Variants in GREB1L observed in about 807,000 individuals in gnomAD.
GREB1L encodes the protein GREB1 like retinoic acid receptor coactivator.
A neutral mutation model predicts 200.8 loss-of-function variants in GREB1L; 17 were observed. The ratio of observed to expected loss-of-function variants is 0.08; its 90% confidence interval spans 0.06 to 0.13. The LOEUF (loss-of-function observed/expected upper bound fraction) is 0.13. Ranked by LOEUF, GREB1L falls within the 10% of genes least tolerant of loss-of-function variation. GREB1L has a pLI of 1.00. For missense variants in GREB1L, 1,657 were observed against 2,367.7 expected (o/e 0.70, Z 6.23); for synonymous variants, 789 against 893.0 (o/e 0.88, Z 2.08).
At chr18:21,387,786 A>G (rs78447455) in intron 4 of GREB1L, among the ~76,000 whole-genome samples, 2,267 of 152,298 alleles carry the variant, frequency 0.015, 57 homozygotes, top group African/African-American at 0.051. Context: ...CACACTGGAT[A>G]TTGGGATCCT....
At chr18:21,446,841 A>G (rs1254239900) in intron 11 of GREB1L, among the ~76,000 whole-genome samples, 1 of 152,236 alleles carries the variant, frequency 6.6e-6, no homozygotes, top group East Asian at 1.9e-4. Flanking sequence ...ATTCTTCAGA[A>G]GGAACCATAC....
intron 18 of GREB1L, among the ~76,000 whole-genome samples, chr18:21,489,442 T>C (rs768715112): frequency 2.2e-4 from 34 of 152,236 alleles, no homozygotes; most frequent in Non-Finnish European, 4.1e-4. Context: ...TTTTTATGTC[T>C]AATACTCGAC....
chr18:21,440,781 C>A (rs1343695922), intron 9 of GREB1L, among the ~76,000 whole-genome samples: 6 of 152,156 alleles, frequency 3.9e-5, no homozygotes, highest in African/African-American at 1.4e-4. Flanking sequence ...ACCTGAAAAA[C>A]CAAAACCAAC....
At chr18:21,308,148 A>G (rs1365334609) in intron 1 of GREB1L, among the ~76,000 whole-genome samples, 3 of 152,196 alleles carry the variant, frequency 2.0e-5, no homozygotes, top group Admixed American at 6.5e-5. Context: ...TACTATATAC[A>G]TATCACCTTA....
intron 30 of GREB1L, among the ~76,000 whole-genome samples, chr18:21,517,357 C>G (rs1479943677): frequency 2.0e-5 from 3 of 152,104 alleles, no homozygotes; most frequent in Non-Finnish European, 4.4e-5. Flanking sequence ...GCAAACTTTA[C>G]ATTTTTACCT....
chr18:21,343,670 G>C (rs985056563), intron 1 of GREB1L, among the ~76,000 whole-genome samples: 50 of 152,166 alleles, frequency 3.3e-4, no homozygotes, highest in African/African-American at 1.2e-3. Context: ...CGCATACCAG[G>C]GTGGACATGT....
chr18:21,252,728 C>T (rs999600791), intron 1 of GREB1L, among the ~76,000 whole-genome samples: 2 of 147,416 alleles, frequency 1.4e-5, no homozygotes, highest in Non-Finnish European at 3.0e-5. Context: ...ATTAGCTGGG[C>T]GTCATGGCGG....
chr18:21,472,277 G>A (rs1168421984), intron 15 of GREB1L, among the ~76,000 whole-genome samples: 3 of 152,164 alleles, frequency 2.0e-5, no homozygotes, highest in Non-Finnish European at 4.4e-5. Context: ...TCATTTAAAG[G>A]AAGATTTCTT....
chr18:21,271,252 T>G (rs1434586617), intron 1 of GREB1L, among the ~76,000 whole-genome samples: 1 of 152,180 alleles, frequency 6.6e-6, no homozygotes, highest in Non-Finnish European at 1.5e-5. Context: ...TAAATAAAAA[T>G]ATCTTTGGAT....
chr18:21,355,915 A>G (rs2039495729), intron 1 of GREB1L, among the ~76,000 whole-genome samples: 1 of 151,010 alleles, frequency 6.6e-6, no homozygotes, highest in Non-Finnish European at 1.5e-5. Context: ...TTCTACTGAG[A>G]TTTAATTAGA....
intron 27 of GREB1L, among the ~76,000 whole-genome samples, chr18:21,509,061 G>A (rs1466306555): frequency 3.3e-5 from 5 of 152,178 alleles, no homozygotes; most frequent in Non-Finnish European, 5.9e-5. Context: ...TGGAAGCATC[G>A]TTACTGCCTA....
In GREB1L at chr18:21,307,732, G is replaced by A. The variant is rs183023607; in HGVS notation, c.-119-58295G>A. ...CCCTCTGACTTCTGCCAGTAGCAAA[G>A]CCCCAGCAGGAGACTCGGGGGCGGG... is the stretch of plus-strand genomic sequence containing the variant. On this transcript the variant is annotated intron_variant, in intron 1 of 32. Transcript: ENST00000424526. 2.6e-5 allele frequency among the ~76,000 whole-genome samples: 4 copies of A among 152,210 alleles called. 1 individual carries two copies. Among genetic ancestry groups the A allele is most frequent in the East Asian group, 3.9e-4 (2 of 5,162 alleles).
chr18:21,418,187 A>G (rs2031827963), intron 7 of GREB1L, among the ~76,000 whole-genome samples: 1 of 152,126 alleles, frequency 6.6e-6, no homozygotes, highest in South Asian at 2.1e-4. Context: ...TCATTATTGT[A>G]AAGTTCTTAT....
At chr18:21,463,185 C>G (rs2035125708) in intron 15 of GREB1L, among the ~76,000 whole-genome samples, 2 of 142,086 alleles carry the variant, frequency 1.4e-5, no homozygotes, top group African/African-American at 2.6e-5. Flanking sequence ...TCGCTCTGTC[C>G]CCCAGGCTGG....
chr18:21,319,679 C>T (rs183808902), intron 1 of GREB1L, among the ~76,000 whole-genome samples: 1 of 152,318 alleles, frequency 6.6e-6, no homozygotes, highest in East Asian at 1.9e-4. Context: ...AATGCATGAG[C>T]AGGCACTGCC....
At chr18:21,294,257 A>G (rs894003058) in intron 1 of GREB1L, among the ~76,000 whole-genome samples, 2 of 152,160 alleles carry the variant, frequency 1.3e-5, no homozygotes, top group Admixed American at 1.3e-4. Flanking sequence ...AGTGGCTATC[A>G]TTAGATAGCA....
chr18:21,275,427 A>C (rs1185134012), intron 1 of GREB1L, among the ~76,000 whole-genome samples: 1 of 152,018 alleles, frequency 6.6e-6, no homozygotes, highest in Non-Finnish European at 1.5e-5. Context: ...CCCAGGCTGA[A>C]GTGCAGTAGC....
chr18:21,399,926 T>C (rs1429438206), intron 5 of GREB1L, among the ~76,000 whole-genome samples: 1 of 152,220 alleles, frequency 6.6e-6, no homozygotes, highest in Non-Finnish European at 1.5e-5. Context: ...TTGTGGCTTT[T>C]CTCTTCTCTA....
At chr18:21,422,113 G>A (rs2032204341) in intron 7 of GREB1L, among the ~76,000 whole-genome samples, 1 of 152,122 alleles carries the variant, frequency 6.6e-6, no homozygotes, top group South Asian at 2.1e-4. Flanking sequence ...TTCTTTAAAT[G>A]GATATGAAAT....
Sources: allele counts gnomAD v4.1 joint callset (sites outside exome capture counted in the v4.1 genomes callset), GRCh38; gene constraint gnomAD v4.1.1; transcripts MANE v1.5; gene names NCBI Gene and HGNC (gene_info 2026-07-23, HGNC 2026-07-21).